The following ARAP2 variants were observed in gnomAD, a reference collection of about 807,000 sequenced individuals.
The protein encoded by ARAP2 is ArfGAP with RhoGAP domain, ankyrin repeat and PH domain 2.
Under a neutral mutation model 194.5 loss-of-function variants are expected in ARAP2, and 148 were observed. The ratio of observed to expected loss-of-function variants is 0.76; its 90% CI spans 0.67 to 0.87. The LOEUF (loss-of-function observed/expected upper bound fraction) is 0.87, where lower values mean the gene tolerates loss of function less well. Ranked by LOEUF, ARAP2 falls within the 40% of genes least tolerant of loss-of-function variation. The pLI is 0.00. For missense variants in ARAP2, 2,128 were observed against 1,989.7 expected, an observed-to-expected ratio of 1.07 and a Z score of -1.32; for synonymous variants, 695 against 683.5, an observed-to-expected ratio of 1.02 and a Z score of -0.26.
chr4:36,115,488 T>C (rs1721093923), intron 25 of ARAP2, among the ~76,000 whole-genome samples: 1 of 151,986 alleles, frequency 6.6e-6, no homozygotes, highest in Non-Finnish European at 1.5e-5. Flanking sequence ...GGAAGCACCT[T>C]GGTCTGAAAC....
At chr4:36,164,871 A>T (rs756915842) in intron 11 of ARAP2, 43 bp downstream of exon 11, 3 of 1,590,470 alleles carry the variant, frequency 1.9e-6, no homozygotes, top group South Asian at 2.2e-5. Context: ...TTCAATGCCA[A>T]TCTGCCACAA....
chr4:36,093,755 T>C (rs960813545), intron 27 of ARAP2, among the ~76,000 whole-genome samples: 8 of 152,160 alleles, frequency 5.3e-5, no homozygotes, highest in Admixed American at 1.3e-4. Context: ...CAGAACGTTT[T>C]TTCAGCCCTT....
At chr4:36,051,823 G>A (rs898232006) in intron 3 of ARAP2, among the ~76,000 whole-genome samples, 4 of 152,188 alleles carry the variant, frequency 2.6e-5, no homozygotes, top group Non-Finnish European at 5.9e-5. Flanking sequence ...CTTCCACATT[G>A]TAAAGCACTC....
chr4:36,169,623 C>G lies in ARAP2; in HGVS notation c.1858-2576G>C, dbSNP rs188211511. 2.1e-4 allele frequency among the ~76,000 whole-genome samples: 32 copies of G among 152,144 alleles called. 1 individual carries two copies. In the East Asian group the frequency reaches 6.0e-3, roughly 28 times the overall value. On this transcript the variant is annotated intron_variant, in intron 9 of 32. Coordinates refer to ENST00000303965, the MANE Select transcript of ARAP2 (RefSeq NM_015230.4). ...TCGGCTCACTGCAACCTCGGCCCCC[C>G]CAGGTTCAAGAGATTCCCCTGCCTC...
intron 7 of ARAP2, among the ~76,000 whole-genome samples, chr4:36,189,368 A>G (rs1741345526): frequency 6.6e-6 from 1 of 152,178 alleles, no homozygotes; most frequent in South Asian, 2.1e-4. Flanking sequence ...AGAGGTAACA[A>G]GCATGTCCAT....
At chr4:36,082,399 T>C in intron 29 of ARAP2, 113 bp from the exon 30 acceptor site, 1 of 1,056,062 alleles carries the variant, frequency 9.5e-7, no homozygotes, top group Non-Finnish European at 1.4e-6. Flanking sequence ...ATGCATAGAC[T>C]TCCACAAGTG....
chr4:36,033,973 T>A (rs1719458733), intron 5 of ARAP2, among the ~76,000 whole-genome samples: 1 of 152,178 alleles, frequency 6.6e-6, no homozygotes, highest in South Asian at 2.1e-4. Flanking sequence ...TTCAGCCTAT[T>A]TCTGGGTTCT....
At chr4:36,048,320 G>T (rs977174115) in intron 3 of ARAP2, among the ~76,000 whole-genome samples, 1 of 152,258 alleles carries the variant, frequency 6.6e-6, no homozygotes, top group African/African-American at 2.4e-5. Flanking sequence ...TTTAGGTTAT[G>T]AATTATCATC....
chr4:36,041,873 GA>G (rs1720925490), intron 5 of ARAP2, among the ~76,000 whole-genome samples: 2 of 152,120 alleles, frequency 1.3e-5, no homozygotes. Flanking sequence ...TCTTTTGTGG[GA>G]ACATGGATGA....
intron 2 of ARAP2, among the ~76,000 whole-genome samples, chr4:36,056,684 T>C (rs995326879): frequency 7.9e-5 from 12 of 152,158 alleles, no homozygotes; most frequent in African/African-American, 2.7e-4. Flanking sequence ...TTGTTTTCAG[T>C]GTGACCTGTT....
intron 8 of ARAP2, among the ~76,000 whole-genome samples, chr4:36,178,946 G>A (rs1738598967): frequency 6.6e-6 from 1 of 152,112 alleles, no homozygotes; most frequent in Admixed American, 6.6e-5. Context: ...GAAGAGAATA[G>A]GATTTTGAGC....
At chr4:36,209,698 A>G (rs1746320129) in intron 6 of ARAP2, among the ~76,000 whole-genome samples, 1 of 152,212 alleles carries the variant, frequency 6.6e-6, no homozygotes, top group Admixed American at 6.5e-5. Context: ...TTAATAATCC[A>G]TGAAAAACAT....
At position 36,159,492 on chromosome 4, in the gene ARAP2, G is replaced by A. The variant is rs1036892574; in HGVS notation, c.2456C>T (p.Ala819Val). ...TTCTAGAACATCCGGTTTCACTACA[G>A]CAGCACATAGAGCCTGGTCATTAAA... ...KEELNKALCA[A>V]VVKPDVLETM... Residue 819 changes from alanine to valine, a missense_variant, in exon 14 of 33, where the codon GCT (alanine) becomes GTT (valine). Transcript: ENST00000303965. 1.6e-5 allele frequency: 25 copies of A among 1,573,166 alleles called. No individual in the cohort carries two copies. The highest frequency in any genetic ancestry group is 1.9e-5 in the Non-Finnish European group (22 of 1,155,762).
chr4:36,086,488 G>C (rs369129089), intron 28 of ARAP2, among the ~76,000 whole-genome samples: 150 of 152,124 alleles, frequency 9.9e-4, no homozygotes, highest in African/African-American at 3.5e-3. Context: ...TTTTGAAACT[G>C]AATATTCATA....
chr4:36,160,056 TA>T, intron 13 of ARAP2: 1 of 971,070 alleles, frequency 1.0e-6, no homozygotes, highest in Non-Finnish European at 1.2e-6. Context: ...TGACTTATGT[TA>T]TATATCATCT....
intron 1 of ARAP2, among the ~76,000 whole-genome samples, chr4:36,229,973 C>A (rs1370532568): frequency 6.6e-6 from 1 of 152,126 alleles, no homozygotes; most frequent in Non-Finnish European, 1.5e-5. Context: ...AGATTGGATT[C>A]AAGAGCATTT....
At chr4:36,091,640 C>T (rs1713678561) in intron 28 of ARAP2, among the ~76,000 whole-genome samples, 1 of 152,066 alleles carries the variant, frequency 6.6e-6, no homozygotes, top group Admixed American at 6.6e-5. Context: ...GACTTTTCTT[C>T]AGGGCTTAAG....
chr4:36,137,500 T>A (rs1342812739), intron 19 of ARAP2, among the ~76,000 whole-genome samples: 1 of 151,856 alleles, frequency 6.6e-6, no homozygotes, highest in African/African-American at 2.4e-5. Context: ...TCTGTGTTTT[T>A]AAAAATGTAA....
intron 6 of ARAP2, among the ~76,000 whole-genome samples, chr4:36,197,715 G>C (rs1428039441): frequency 6.6e-6 from 1 of 152,256 alleles, no homozygotes; most frequent in East Asian, 1.9e-4. Context: ...ACTGCACACA[G>C]TGAGGCACCC....
Sources: allele counts gnomAD v4.1 joint callset (sites outside exome capture counted in the v4.1 genomes callset), GRCh38; gene constraint gnomAD v4.1.1; transcripts MANE v1.5; gene names NCBI Gene and HGNC (gene_info 2026-07-23, HGNC 2026-07-21).